Variants in LEF1 observed in about 807,000 individuals in gnomAD.
LEF1 encodes lymphoid enhancer-binding factor 1.
Under a neutral mutation model 51.2 loss-of-function variants are expected in LEF1, and 14 were observed. The ratio of observed to expected loss-of-function variants is 0.27; its 90% CI spans 0.18 to 0.43. The LOEUF (loss-of-function observed/expected upper bound fraction) is 0.43. Among genes scored for constraint, LEF1 ranks in the 20% least tolerant of loss-of-function variants. LEF1 has a pLI of 1.00. For missense variants in LEF1, 386 were observed against 512.0 expected, an observed-to-expected ratio of 0.75 and a Z score of 2.37; for synonymous variants, 185 against 183.2, an observed-to-expected ratio of 1.01 and a Z score of -0.08.
rs59867246 is a variant in LEF1, at chr4:108,157,179, TACACACACAC to T, written c.414+6379_414+6388del. 1.1e-3 allele frequency among the ~76,000 whole-genome samples: 125 copies of T among 116,790 alleles called. 6 individuals carry two copies. The South Asian group carries it at 0.03, about 28-fold the overall frequency. 76.6% of individuals were successfully genotyped at this position (116,790 alleles called of 152,430 possible). A position where few individuals can be genotyped will look rare whatever the true frequency, so the allele number is the denominator to read the frequency against. On this transcript the variant is annotated intron_variant, in intron 3 of 11. Transcript: ENST00000265165. The stretch of plus-strand genomic sequence containing the variant: ...CTCTCTCTCTCTCTCTATATATATA[TACACACACAC>T]ACACACACACACACACACACACACA...
rs893365460 is a variant in LEF1 at position 108,070,515 on chromosome 4, T to C, written c.1116+148A>G. The C allele has an allele frequency of 1.0e-5, 5 of 479,490 alleles. No homozygotes were observed. The Admixed American group carries it at 1.1e-4, about 10-fold the overall frequency. The allele number at this position is 479,490 out of a possible 1,614,324, so 29.7% of individuals were successfully genotyped here. On this transcript the variant is annotated intron_variant, in intron 9 of 11. Transcript: ENST00000265165. Reference sequence around the variant, plus strand: ...AGCTCGAAGCTTTCATAATGCAATATATCCATGAAATCCTTATTACAAAGT... The same window carrying C: ...AGCTCGAAGCTTTCATAATGCAATACATCCATGAAATCCTTATTACAAAGT...
At chr4:108,104,331 G>A (rs1371483255) in intron 3 of LEF1, among the ~76,000 whole-genome samples, 1 of 151,206 alleles carries the variant, frequency 6.6e-6, no homozygotes, top group African/African-American at 2.4e-5. Flanking sequence ...GGTGATAGTT[G>A]TACAACATAG....
chr4:108,120,190 C>T (rs937038998), intron 3 of LEF1, among the ~76,000 whole-genome samples: 1 of 151,872 alleles, frequency 6.6e-6, no homozygotes, highest in Non-Finnish European at 1.5e-5. Context: ...TGCCACCACC[C>T]CCAGATAATT....
intron 9 of LEF1, among the ~76,000 whole-genome samples, chr4:108,066,095 G>A (rs1027450793): frequency 6.6e-6 from 1 of 152,110 alleles, no homozygotes. Flanking sequence ...TAAATACGGA[G>A]TTTCACCACG....
chr4:108,091,811 G>A (rs7655476), intron 3 of LEF1, among the ~76,000 whole-genome samples: 86,908 of 152,032 alleles, frequency 0.57, 25,268 homozygotes, highest in Middle Eastern at 0.72. Flanking sequence ...AGTTTATTAT[G>A]AACTCTTTTG....
At position 108,078,354 on chromosome 4, in the gene LEF1, G is replaced by C; in HGVS notation, c.874C>G (p.Gln292Glu). The C allele has an allele frequency of 6.2e-7, 1 of 1,614,126 alleles. No individual in the cohort carries two copies. The highest frequency in any genetic ancestry group is 8.5e-7 in the Non-Finnish European group (1 of 1,180,022). ...VKPQHEQRKE[Q>E]EPKRPHIKKP... ...TTAATGTGAGGTCTTTTTGGCTCCT[G>C]CTCCTTTCTCTGTTCATGCTGAGGC... Residue 292 changes from glutamine (Q) to glutamate (E), a missense_variant, in exon 8 of 12, where the codon CAG (glutamine) becomes GAG (glutamate). Physicochemically the swap from Gln to Glu is conservative, Grantham distance 29. Coordinates refer to ENST00000265165, the MANE Select transcript of LEF1 (RefSeq NM_016269.5).
At chr4:108,135,267 A>G (rs748524145) in intron 3 of LEF1, among the ~76,000 whole-genome samples, 40 of 152,222 alleles carry the variant, frequency 2.6e-4, no homozygotes, top group Non-Finnish European at 5.3e-4. Context: ...GGCCAGCTCA[A>G]TCTGAAGCAC....
At chr4:108,114,877 T>C (rs1339946445) in intron 3 of LEF1, among the ~76,000 whole-genome samples, 1 of 152,196 alleles carries the variant, frequency 6.6e-6, no homozygotes, top group Non-Finnish European at 1.5e-5. Context: ...CAGAGACCAC[T>C]GCCCTGCATT....
chr4:108,048,501 T>TA lies in LEF1; in HGVS notation c.*256dup, dbSNP rs1251900495. 6.9e-6 allele frequency: 3 copies of TA among 434,818 alleles called. No homozygotes were observed. The highest frequency in any genetic ancestry group is 6.0e-5 in the African/African-American group (3 of 49,854). 26.9% of individuals were successfully genotyped at this position (434,818 alleles called of 1,614,324 possible). A position where few individuals can be genotyped will look rare whatever the true frequency, so the allele number is the denominator to read the frequency against. ...TCTCATGTGCTTTTACATTTCCTTTTAAAAAACCTTTTTATGCTTTATTTT... is the reference window on the plus strand; with the variant it reads ...TCTCATGTGCTTTTACATTTCCTTTTAAAAAAACCTTTTTATGCTTTATTTT... On this transcript the variant is annotated 3_prime_UTR_variant, in exon 12 of 12. Transcript: ENST00000265165.
intron 3 of LEF1, among the ~76,000 whole-genome samples, chr4:108,116,164 G>A (rs1166625265): frequency 4.6e-5 from 7 of 152,142 alleles, no homozygotes; most frequent in Non-Finnish European, 7.3e-5. Flanking sequence ...AACTCAAACA[G>A]TGAAAAGGGC....
intron 9 of LEF1, among the ~76,000 whole-genome samples, chr4:108,065,715 T>TA (rs930719400): frequency 6.6e-6 from 1 of 152,154 alleles, no homozygotes; most frequent in Admixed American, 6.5e-5. Context: ...TTATAGCCTT[T>TA]AAAAAAATTA....
At chr4:108,147,752 A>C (rs944107110) in intron 3 of LEF1, among the ~76,000 whole-genome samples, 1 of 152,182 alleles carries the variant, frequency 6.6e-6, no homozygotes, top group South Asian at 2.1e-4. Flanking sequence ...TGAAACAGTC[A>C]TTTCCTACTC....
Position 108,048,510 on chromosome 4 carries a change from T to C in LEF1, c.*248A>G, listed in dbSNP as rs1246003503. The C allele has an allele frequency of 6.7e-6, 3 of 445,828 alleles. No homozygotes were observed. Among genetic ancestry groups the C allele is most frequent in the Non-Finnish European group, 1.2e-5 (3 of 251,674 alleles). 27.6% of individuals were successfully genotyped at this position (445,828 alleles called of 1,614,324 possible). On this transcript the variant is annotated 3_prime_UTR_variant, in exon 12 of 12. Transcript: ENST00000265165. ...CTTTTACATTTCCTTTTAAAAAACC[T>C]TTTTATGCTTTATTTTGGAACTTGG...
At chr4:108,160,575 G>GA (rs970236955) in intron 3 of LEF1, among the ~76,000 whole-genome samples, 3 of 152,072 alleles carry the variant, frequency 2.0e-5, no homozygotes, top group Admixed American at 2.0e-4. Flanking sequence ...TTCTGGTATA[G>GA]ACACATTCAC....
intron 3 of LEF1, among the ~76,000 whole-genome samples, chr4:108,140,899 G>A (rs1743602980): frequency 6.6e-6 from 1 of 152,088 alleles, no homozygotes; most frequent in Non-Finnish European, 1.5e-5. Context: ...GAAAACAAGG[G>A]AAGATGGTAC....
At chr4:108,126,779 T>TG (rs1742562886) in intron 3 of LEF1, among the ~76,000 whole-genome samples, 1 of 128,782 alleles carries the variant, frequency 7.8e-6, no homozygotes, top group South Asian at 2.6e-4. Context: ...TAGTCCAGTC[T>TG]GGGTGACAAA....
chr4:108,130,441 C>G (rs1327321509), intron 3 of LEF1, among the ~76,000 whole-genome samples: 1 of 151,922 alleles, frequency 6.6e-6, no homozygotes, highest in Non-Finnish European at 1.5e-5. Flanking sequence ...CCTTCCAGGC[C>G]AGGCGTGGTG....
chr4:108,142,398 T>C (rs141727481), intron 3 of LEF1, among the ~76,000 whole-genome samples: 2 of 152,274 alleles, frequency 1.3e-5, no homozygotes, highest in African/African-American at 4.8e-5. Context: ...CAGGATCACG[T>C]CTTGACAAGT....
chr4:108,127,021 G>A (rs1422127392), intron 3 of LEF1, among the ~76,000 whole-genome samples: 2 of 152,108 alleles, frequency 1.3e-5, no homozygotes, highest in African/African-American at 4.8e-5. Context: ...CTGTATGTGA[G>A]TCATCGACTA....
Sources: allele counts gnomAD v4.1 joint callset (sites outside exome capture counted in the v4.1 genomes callset), GRCh38; gene constraint gnomAD v4.1.1; transcripts MANE v1.5; gene names NCBI Gene and HGNC (gene_info 2026-07-23, HGNC 2026-07-21).